Variants in PLCD4 observed in about 807,000 individuals in gnomAD.
PLCD4 encodes phospholipase C delta 4.
PLCD4 carries 63 observed loss-of-function variants against 90.2 expected under a neutral mutation model. The observed-to-expected ratio is 0.70, with a 90% confidence interval of 0.57 to 0.86. The LOEUF (loss-of-function observed/expected upper bound fraction) is 0.86, where lower values mean the gene tolerates loss of function less well. PLCD4 is among the 40% of genes least tolerant of loss of function. The pLI, the probability that PLCD4 is intolerant of heterozygous loss-of-function variation, is 0.00. For synonymous variants in PLCD4, 294 were observed against 356.5 expected (o/e 0.82, Z 1.97); for missense variants, 830 against 956.3 (o/e 0.87, Z 1.74).
At chr2:218,612,904 G>A (rs140173912) in intron 1 of PLCD4, among the ~76,000 whole-genome samples, 2 of 152,306 alleles carry the variant, frequency 1.3e-5, no homozygotes, top group Admixed American at 6.5e-5. Context: ...CAAAAGAGAC[G>A]TAGGGCACTA....
chr2:218,633,872 AGGAG>A, intron 11 of PLCD4, 111 bp downstream of exon 11: 7 of 1,369,068 alleles, frequency 5.1e-6, no homozygotes, highest in Non-Finnish European at 7.1e-6. Flanking sequence ...GGAGAGATGA[AGGAG>A]TTCAGAAACT....
At chr2:218,620,003 G>A (rs1695800636) in intron 4 of PLCD4, among the ~76,000 whole-genome samples, 1 of 151,942 alleles carries the variant, frequency 6.6e-6, no homozygotes, top group African/African-American at 2.4e-5. Context: ...TCAGCTTCCC[G>A]AGCAGCTGGG....
rs552606289 is a variant in PLCD4, at chr2:218,611,018, G to A, written c.-34+2948G>A. ...GCTGGGATTACAGATGTGAGCTACC[G>A]TGCCCGGCCAGAGACCTTGGTTCTA... On this transcript the variant is annotated intron_variant, in intron 1 of 15. Coordinates refer to ENST00000450993, the MANE Select transcript of PLCD4 (RefSeq NM_032726.4). Among the ~76,000 whole-genome samples, 32 of 152,128 alleles carry A rather than the reference G, an allele frequency of 2.1e-4. No individual in the cohort carries two copies. In the South Asian group the frequency reaches 2.7e-3, roughly 13 times the overall value.
intron 6 of PLCD4, 26 bp from the exon 7 acceptor site, chr2:218,628,003 C>T: frequency 6.3e-7 from 1 of 1,590,972 alleles, no homozygotes; most frequent in South Asian, 1.1e-5. Flanking sequence ...AGCTTCTCAC[C>T]TAGTGTTCCC....
intron 10 of PLCD4, chr2:218,633,173 CAT>C: frequency 1.8e-6 from 1 of 561,830 alleles, no homozygotes. Flanking sequence ...CATACCTTGA[CAT>C]ATCTGTCTGG....
At chr2:218,611,618 TGA>T (rs1695334897) in intron 1 of PLCD4, among the ~76,000 whole-genome samples, 1 of 152,132 alleles carries the variant, frequency 6.6e-6, no homozygotes, top group South Asian at 2.1e-4. Flanking sequence ...TTGTTGTTTT[TGA>T]GAGAGTCTCA....
chr2:218,635,486 C>T (rs1696674172), intron 13 of PLCD4, among the ~76,000 whole-genome samples: 1 of 152,024 alleles, frequency 6.6e-6, no homozygotes, highest in African/African-American at 2.4e-5. Flanking sequence ...CTACAGGCGC[C>T]CGCCACCATG....
At chr2:218,619,067 C>G (rs898020533) in intron 4 of PLCD4, among the ~76,000 whole-genome samples, 1 of 152,056 alleles carries the variant, frequency 6.6e-6, no homozygotes, top group Non-Finnish European at 1.5e-5. Flanking sequence ...GAGGAGCAAA[C>G]AAGATGCTGC....
At chr2:218,620,554 A>T (rs1320575224) in intron 4 of PLCD4, among the ~76,000 whole-genome samples, 2 of 139,006 alleles carry the variant, frequency 1.4e-5, no homozygotes, top group African/African-American at 5.4e-5. Context: ...TTTATTTATA[A>T]TAAATAAATA....
intron 1 of PLCD4, among the ~76,000 whole-genome samples, chr2:218,613,884 T>C (rs1695457627): frequency 6.6e-6 from 1 of 152,104 alleles, no homozygotes; most frequent in Admixed American, 6.5e-5. Context: ...AGTATTTCTA[T>C]AGGGGCATAG....
At chr2:218,613,064 A>G (rs1344337208) in intron 1 of PLCD4, among the ~76,000 whole-genome samples, 2 of 152,308 alleles carry the variant, frequency 1.3e-5, no homozygotes, top group Non-Finnish European at 1.5e-5. Flanking sequence ...TTCTTTTAAG[A>G]TGTGCACCAC....
intron 6 of PLCD4, among the ~76,000 whole-genome samples, chr2:218,624,516 C>T (rs368525992): frequency 2.1e-4 from 32 of 151,720 alleles, no homozygotes; most frequent in Admixed American, 1.3e-3. Context: ...GCCAGGAGTT[C>T]GAGACCAACC....
Position 218,636,740 on chromosome 2 carries a change from T to C in PLCD4, c.*163T>C. ...TCTTCCTAACAAGCAATCTGGGACC[T>C]GATTTTCCACCTTTTTTCTCTTTTC... is the stretch of plus-strand genomic sequence containing the variant. On this transcript the variant is annotated 3_prime_UTR_variant, in exon 16 of 16. Coordinates refer to ENST00000450993, the MANE Select transcript of PLCD4 (RefSeq NM_032726.4). 1 of 750,910 alleles carries C rather than the reference T, an allele frequency of 1.3e-6. No individual in the cohort carries two copies. The highest frequency in any genetic ancestry group is 2.4e-5 in the Admixed American group (1 of 41,704). The allele number at this position is 750,910 out of a possible 1,614,324, so 46.5% of individuals were successfully genotyped here. A position where few individuals can be genotyped will look rare whatever the true frequency, so the allele number is the denominator to read the frequency against.
In PLCD4 at chr2:218,621,479, C is replaced by T. The variant is rs748127056; in HGVS notation, c.420C>T (p.Ser140=). 84 of 1,613,872 alleles carry T rather than the reference C, an allele frequency of 5.2e-5. No homozygotes were observed. Among genetic ancestry groups the T allele is most frequent in the Non-Finnish European group, 6.6e-5 (78 of 1,179,804 alleles). ...CTTGACTCATACCTGGATGGCTGAG[C>T]GATTGGTTTCAACGTGGAGACAAAA... ...DHQERLDQWL[S]DWFQRGDKNQ... The change falls in exon 5 of 16, where the codon AGC becomes AGT. Residue 140 remains serine (S), a synonymous_variant. Coordinates refer to ENST00000450993, the MANE Select transcript of PLCD4 (RefSeq NM_032726.4).
intron 3 of PLCD4, among the ~76,000 whole-genome samples, chr2:218,616,927 T>TATATATATAG (rs1553571947): frequency 8.0e-4 from 11 of 13,760 alleles, no homozygotes; most frequent in Non-Finnish European, 1.3e-3. Context: ...TATATATATA[T>TATATATATAG]AGAGAGAGAG....
intron 4 of PLCD4, among the ~76,000 whole-genome samples, chr2:218,620,802 G>A (rs779661402): frequency 9.5e-5 from 14 of 147,268 alleles, no homozygotes; most frequent in Admixed American, 2.8e-4. Flanking sequence ...GCTGAGGCAG[G>A]AGAATCTCTT....
rs1696589505 is a variant in PLCD4, at chr2:218,634,396, G to A, written c.1724-62G>A. 6.3e-7 allele frequency: 1 copy of A among 1,581,772 alleles called. No homozygotes were observed. The highest frequency in any genetic ancestry group is 1.4e-5 in the African/African-American group (1 of 74,020). ...CCAGTACCTATCTTCTTAACTCCCT[G>A]AAAGAGGGGCTGGAAGGCCTCCATG... On this transcript the variant is annotated intron_variant, in intron 12 of 15. Transcript: ENST00000450993. The surrounding 1 kb of genome is among the most constrained non-coding windows in gnomAD (Gnocchi z 4.0).
intron 1 of PLCD4, among the ~76,000 whole-genome samples, chr2:218,608,620 T>A (rs1695192246): frequency 6.6e-6 from 1 of 152,186 alleles, no homozygotes; most frequent in Admixed American, 6.5e-5. Flanking sequence ...TGCCATTAAC[T>A]AGCTACGGGA....
intron 6 of PLCD4, among the ~76,000 whole-genome samples, chr2:218,624,674 C>T (rs1279362540): frequency 5.6e-5 from 8 of 143,356 alleles, no homozygotes; most frequent in Non-Finnish European, 1.1e-4. Context: ...AAGCCGAGAT[C>T]ACACCACTGC....
Sources: allele counts gnomAD v4.1 joint callset (sites outside exome capture counted in the v4.1 genomes callset), GRCh38; gene constraint gnomAD v4.1.1; non-coding constraint Gnocchi (gnomAD v3.1); transcripts MANE v1.5; gene names NCBI Gene and HGNC (gene_info 2026-07-23, HGNC 2026-07-21).